The following LRMDA variants were observed in gnomAD, a reference collection of about 807,000 sequenced individuals.
The protein encoded by LRMDA is leucine-rich melanocyte differentiation-associated protein.
LRMDA carries 18 observed loss-of-function variants against 29.8 expected under a neutral mutation model. The ratio of observed to expected loss-of-function variants is 0.60; its 90% confidence interval spans 0.42 to 0.90. The LOEUF is 0.90. LRMDA is among the 40% of genes least tolerant of loss of function. The pLI, the probability that LRMDA is intolerant of heterozygous loss-of-function variation, is 0.00. For missense variants in LRMDA, 273 were observed against 273.9 expected, an observed-to-expected ratio of 1.00 and a Z score of 0.02; for synonymous variants, 125 against 109.4, an observed-to-expected ratio of 1.14 and a Z score of -0.89.
intron 2 of LRMDA, among the ~76,000 whole-genome samples, chr10:75,845,348 CTA>C (rs1430941962): frequency 1.3e-5 from 2 of 152,118 alleles, no homozygotes; most frequent in African/African-American, 2.4e-5. Context: ...CTGGAACAAG[CTA>C]TATTATACCA....
intron 2 of LRMDA, among the ~76,000 whole-genome samples, chr10:75,826,516 G>C (rs1407904765): frequency 6.6e-6 from 1 of 152,122 alleles, no homozygotes; most frequent in Non-Finnish European, 1.5e-5. Context: ...CTCCTAATTG[G>C]TTTTAAGATT....
intron 5 of LRMDA, among the ~76,000 whole-genome samples, chr10:76,226,902 C>T (rs1008620556): frequency 6.6e-6 from 1 of 152,162 alleles, no homozygotes; most frequent in Non-Finnish European, 1.5e-5. Context: ...CAGGTACTCC[C>T]TTATAGCAAC....
chr10:76,375,174 C>T (rs1404905625), intron 6 of LRMDA, among the ~76,000 whole-genome samples: 1 of 152,132 alleles, frequency 6.6e-6, no homozygotes, highest in Non-Finnish European at 1.5e-5. Context: ...TTTTCTAAAA[C>T]TCTCTGATGA....
At chr10:75,997,736 A>C (rs965547183) in intron 2 of LRMDA, among the ~76,000 whole-genome samples, 1 of 152,246 alleles carries the variant, frequency 6.6e-6, no homozygotes, top group Non-Finnish European at 1.5e-5. Context: ...AGGTGAGGAC[A>C]GCACCTTGGC....
intron 2 of LRMDA, among the ~76,000 whole-genome samples, chr10:75,527,452 G>A (rs1272191785): frequency 4.6e-5 from 7 of 151,854 alleles, no homozygotes; most frequent in Admixed American, 4.6e-4. Flanking sequence ...TTAATTTGTT[G>A]AGGAACTGCC....
chr10:76,218,384 TA>T (rs1296146199), intron 5 of LRMDA, among the ~76,000 whole-genome samples: 1 of 152,210 alleles, frequency 6.6e-6, no homozygotes, highest in Non-Finnish European at 1.5e-5. Context: ...GATATTAAAA[TA>T]AAAACAGCTT....
intron 5 of LRMDA, among the ~76,000 whole-genome samples, chr10:76,134,578 T>C (rs1355812538): frequency 6.6e-6 from 1 of 152,240 alleles, no homozygotes; most frequent in Non-Finnish European, 1.5e-5. Context: ...TATTATGAGC[T>C]GATCTCTATT....
At chr10:75,802,651 A>C (rs1328684955) in intron 2 of LRMDA, among the ~76,000 whole-genome samples, 1 of 152,136 alleles carries the variant, frequency 6.6e-6, no homozygotes, top group Non-Finnish European at 1.5e-5. Context: ...AGAACGAAGA[A>C]GATTAAACAA....
At chr10:76,325,731 A>G (rs1165138700) in intron 6 of LRMDA, among the ~76,000 whole-genome samples, 1 of 152,210 alleles carries the variant, frequency 6.6e-6, no homozygotes, top group Non-Finnish European at 1.5e-5. Context: ...CTGAAGTCTC[A>G]GAAACCTCAC....
At chr10:75,788,831 C>T (rs1843518881) in intron 2 of LRMDA, among the ~76,000 whole-genome samples, 1 of 152,256 alleles carries the variant, frequency 6.6e-6, no homozygotes, top group Non-Finnish European at 1.5e-5. Context: ...GCTACATTCT[C>T]CCCACTTTGT....
At chr10:76,155,267 A>T (rs1261842785) in intron 5 of LRMDA, among the ~76,000 whole-genome samples, 1 of 152,186 alleles carries the variant, frequency 6.6e-6, no homozygotes, top group Non-Finnish European at 1.5e-5. Flanking sequence ...GACATCCATG[A>T]ACTTTTATTT....
chr10:75,454,355 G>A (rs138735104), intron 2 of LRMDA, among the ~76,000 whole-genome samples: 38 of 152,224 alleles, frequency 2.5e-4, no homozygotes, highest in African/African-American at 7.9e-4. Context: ...TCACTTTGGG[G>A]TAGTAAAACG....
intron 2 of LRMDA, among the ~76,000 whole-genome samples, chr10:75,518,149 G>C (rs1467675510): frequency 6.6e-6 from 1 of 152,182 alleles, no homozygotes; most frequent in East Asian, 1.9e-4. Flanking sequence ...AGTGATATTG[G>C]TCTAAAATTC....
chr10:75,649,658 T>C (rs1841571993), intron 2 of LRMDA, among the ~76,000 whole-genome samples: 1 of 152,256 alleles, frequency 6.6e-6, no homozygotes, highest in Non-Finnish European at 1.5e-5. Flanking sequence ...TCAGTTCTTT[T>C]GGGTGTATAC....
At chr10:76,541,223 G>A (rs934034518) in intron 6 of LRMDA, among the ~76,000 whole-genome samples, 8 of 152,174 alleles carry the variant, frequency 5.3e-5, no homozygotes, top group Admixed American at 2.6e-4. Flanking sequence ...GGGTGAAGCC[G>A]GGAATGCTGG....
chr10:76,535,591 AAAAC>A (rs1843282295), intron 6 of LRMDA, among the ~76,000 whole-genome samples: 1 of 152,186 alleles, frequency 6.6e-6, no homozygotes, highest in African/African-American at 2.4e-5. Flanking sequence ...TATGCCAAGA[AAAAC>A]AAGCCTCTTC....
At chr10:75,637,735 G>T (rs552136790) in intron 2 of LRMDA, among the ~76,000 whole-genome samples, 323 of 152,306 alleles carry the variant, frequency 2.1e-3, no homozygotes, top group Middle Eastern at 0.014. Flanking sequence ...TCTGTCACAC[G>T]TTGATTTCTG....
At chr10:75,437,387 A>G (rs1844274346) in intron 1 of LRMDA, among the ~76,000 whole-genome samples, 1 of 152,190 alleles carries the variant, frequency 6.6e-6, no homozygotes, top group South Asian at 2.1e-4. Flanking sequence ...TGTGATTTGT[A>G]GGGAAACCAG....
chr10:75,929,630 C>A (rs961342536), intron 2 of LRMDA, among the ~76,000 whole-genome samples: 1 of 152,128 alleles, frequency 6.6e-6, no homozygotes, highest in Admixed American at 6.5e-5. Flanking sequence ...CCACATAGCC[C>A]TCAAATTTCT....
Sources: gnomAD v4.1 joint callset for allele counts (sites outside exome capture counted in the v4.1 genomes callset) on GRCh38, gnomAD v4.1.1 for gene constraint, MANE v1.5 for transcripts, NCBI Gene and HGNC (gene_info 2026-07-23, HGNC 2026-07-21) for gene names.